Variants in C7orf78 observed in about 807,000 individuals in gnomAD.
The protein encoded by C7orf78 is putative uncharacterized protein C7orf78.
the C7orf78 span, chr7:12,523,372 T>A: frequency 7.5e-6 from 3 of 398,308 alleles, no homozygotes; most frequent in African/African-American, 6.2e-5. Context: ...TTGTGAAGAG[T>A]GGACAATATC....
chr7:12,488,458 T>C, the C7orf78 span, among the ~76,000 whole-genome samples: 10 of 152,136 alleles, frequency 6.6e-5, 1 homozygote, highest in Admixed American at 2.6e-4. Flanking sequence ...CTGTCAATTA[T>C]ACTTTTAGAA....
the C7orf78 span, among the ~76,000 whole-genome samples, chr7:12,486,015 G>A: frequency 0.095 from 14,479 of 152,052 alleles, 844 homozygotes; most frequent in Non-Finnish European, 0.13. Flanking sequence ...ACTGATTCAA[G>A]GTTTTAGCAG....
At chr7:12,492,614 T>C in the C7orf78 span, among the ~76,000 whole-genome samples, 1 of 152,164 alleles carries the variant, frequency 6.6e-6, no homozygotes, top group Non-Finnish European at 1.5e-5. Context: ...TTTTCAACTC[T>C]CAGGAGTACT....
chr7:12,528,512 A>C, the C7orf78 span, among the ~76,000 whole-genome samples: 528 of 38,346 alleles, frequency 0.014, 3 homozygotes, highest in Middle Eastern at 0.062. Flanking sequence ...TGAAATGGAA[A>C]ATGTCAGCTT....
chr7:12,507,077 G>A, the C7orf78 span: 1 of 351,810 alleles, frequency 2.8e-6, no homozygotes, highest in South Asian at 2.3e-5. Flanking sequence ...GAGACGGGCG[G>A]ATCAGGAGGT....
chr7:12,519,772 G>A, the C7orf78 span, among the ~76,000 whole-genome samples: 2 of 152,118 alleles, frequency 1.3e-5, no homozygotes, highest in Admixed American at 1.3e-4. Flanking sequence ...AGCATCTTTG[G>A]GCTCAGCCAA....
chr7:12,515,483 A>G, the C7orf78 span, among the ~76,000 whole-genome samples: 2 of 152,256 alleles, frequency 1.3e-5, no homozygotes, highest in African/African-American at 4.8e-5. Flanking sequence ...GGACCAATAC[A>G]CTAAATTGGT....
chr7:12,537,752 G>T, the C7orf78 span, among the ~76,000 whole-genome samples: 1 of 152,052 alleles, frequency 6.6e-6, no homozygotes, highest in South Asian at 2.1e-4. Context: ...ATAATAGAAT[G>T]TATACATAAA....
the C7orf78 span, among the ~76,000 whole-genome samples, chr7:12,526,221 C>G: frequency 6.6e-6 from 1 of 152,062 alleles, no homozygotes; most frequent in Non-Finnish European, 1.5e-5. Context: ...CCCAAATCAC[C>G]TAAACTGTCT....
At chr7:12,525,643 G>A in the C7orf78 span, among the ~76,000 whole-genome samples, 1 of 151,934 alleles carries the variant, frequency 6.6e-6, no homozygotes, top group South Asian at 2.1e-4. Context: ...TTAAATCTTA[G>A]ATCATTTTTT....
At chr7:12,526,879 A>G in the C7orf78 span, among the ~76,000 whole-genome samples, 6 of 137,560 alleles carry the variant, frequency 4.4e-5, no homozygotes, top group African/African-American at 1.3e-4. Context: ...AGTATATGCT[A>G]TGTGTCACTC....
chr7:12,525,487 T>A, the C7orf78 span, among the ~76,000 whole-genome samples: 8 of 152,192 alleles, frequency 5.3e-5, no homozygotes, highest in African/African-American at 1.9e-4. Context: ...AGTTTAAGAT[T>A]GCAAGTTTAA....
the C7orf78 span, among the ~76,000 whole-genome samples, chr7:12,531,569 A>G: frequency 6.6e-6 from 1 of 152,250 alleles, no homozygotes; most frequent in African/African-American, 2.4e-5. Context: ...ACAGTCCCTC[A>G]TATCTTCTTG....
the C7orf78 span, among the ~76,000 whole-genome samples, chr7:12,514,889 G>C: frequency 6.6e-6 from 1 of 151,666 alleles, no homozygotes; most frequent in East Asian, 1.9e-4. Context: ...AATTTTCTTA[G>C]ATATAGTATC....
chr7:12,502,474 A>G, the C7orf78 span, among the ~76,000 whole-genome samples: 2 of 151,920 alleles, frequency 1.3e-5, no homozygotes, highest in Non-Finnish European at 2.9e-5. Flanking sequence ...CAAAAAACAC[A>G]TGAAAAAATG....
At chr7:12,492,085 T>C in the C7orf78 span, 1 of 152,198 alleles carries the variant, frequency 6.6e-6, no homozygotes, top group Non-Finnish European at 1.5e-5. Context: ...TGACTCACCC[T>C]CTCTCTGGTA....
chr7:12,495,093 T>A, the C7orf78 span, among the ~76,000 whole-genome samples: 1 of 152,206 alleles, frequency 6.6e-6, no homozygotes, highest in Non-Finnish European at 1.5e-5. Context: ...GAGGAATTCT[T>A]ACCACCCAAA....
At chr7:12,501,979 G>C in the C7orf78 span, among the ~76,000 whole-genome samples, 2 of 26,676 alleles carry the variant, frequency 7.5e-5, no homozygotes, top group East Asian at 2.1e-3. Context: ...CAAGCAATGG[G>C]GAAAGGATTC....
At chr7:12,511,687 A>G in the C7orf78 span, among the ~76,000 whole-genome samples, 1 of 152,090 alleles carries the variant, frequency 6.6e-6, no homozygotes, top group African/African-American at 2.4e-5. Context: ...GTGTATAGAA[A>G]CACTACTAAT....
Sources: allele counts gnomAD v4.1 joint callset (sites outside exome capture counted in the v4.1 genomes callset), GRCh38; gene constraint gnomAD v4.1.1; transcripts MANE v1.5; gene names NCBI Gene and HGNC (gene_info 2026-07-23, HGNC 2026-07-21).